The following ZDHHC2 variants were observed in gnomAD, a reference collection of about 807,000 sequenced individuals.
The protein encoded by ZDHHC2 is palmitoyltransferase ZDHHC2.
ZDHHC2 carries 51 observed loss-of-function variants against 55.6 expected under a neutral mutation model. That is an observed-to-expected ratio of 0.92 (90% confidence interval 0.73 to 1.16). The LOEUF (loss-of-function observed/expected upper bound fraction) is 1.16. Ranked by LOEUF, ZDHHC2 falls within the 50% of genes most tolerant of loss-of-function variation. The pLI is 0.00. For synonymous variants in ZDHHC2, 199 were observed against 152.9 expected, an observed-to-expected ratio of 1.30 and a Z score of -2.22; for missense variants, 491 against 442.4, an observed-to-expected ratio of 1.11 and a Z score of -0.99.
chr8:17,211,065 T>C (rs1468916745), intron 10 of ZDHHC2, among the ~76,000 whole-genome samples: 3 of 152,224 alleles, frequency 2.0e-5, no homozygotes, highest in Non-Finnish European at 4.4e-5. Flanking sequence ...TTTGTTTTGA[T>C]TCCAGACTAT....
chr8:17,167,424 G>A (rs1364219827), intron 1 of ZDHHC2, among the ~76,000 whole-genome samples: 2 of 149,208 alleles, frequency 1.3e-5, no homozygotes, highest in African/African-American at 5.0e-5. Flanking sequence ...TCCCGCCTCA[G>A]CCTCTCGAGT....
intron 12 of ZDHHC2, 48 bp from the exon 13 acceptor site, chr8:17,220,208 G>A (rs148188103): frequency 1.3e-5 from 2 of 152,276 alleles, no homozygotes; most frequent in South Asian, 2.1e-4. Context: ...TTTGTTTTGC[G>A]TGTTTATGGT....
intron 7 of ZDHHC2, among the ~76,000 whole-genome samples, chr8:17,207,460 T>G (rs1006342694): frequency 1.3e-5 from 2 of 152,224 alleles, no homozygotes; most frequent in African/African-American, 4.8e-5. Flanking sequence ...TGTGAATGTG[T>G]TGTTATATGT....
intron 1 of ZDHHC2, among the ~76,000 whole-genome samples, chr8:17,157,783 C>G (rs904854676): frequency 1.3e-5 from 2 of 152,142 alleles, no homozygotes; most frequent in African/African-American, 4.8e-5. Flanking sequence ...GTGTTTGGTG[C>G]TCCACCTAAC....
intron 1 of ZDHHC2, among the ~76,000 whole-genome samples, chr8:17,160,861 A>G (rs376959035): frequency 5.4e-4 from 83 of 152,352 alleles, no homozygotes; most frequent in African/African-American, 1.9e-3. Flanking sequence ...CGTGGCTTTT[A>G]TTCAACAAAA....
At chr8:17,187,793 T>G (rs1482142624) in intron 3 of ZDHHC2, among the ~76,000 whole-genome samples, 1 of 152,224 alleles carries the variant, frequency 6.6e-6, no homozygotes, top group Non-Finnish European at 1.5e-5. Flanking sequence ...AAATCTGTTT[T>G]GAGTTCTAAA....
intron 2 of ZDHHC2, among the ~76,000 whole-genome samples, chr8:17,185,965 G>A (rs1410661182): frequency 1.3e-5 from 2 of 152,168 alleles, no homozygotes; most frequent in East Asian, 3.9e-4. Context: ...CTTAAAGCCT[G>A]AGTGTTTTAA....
chr8:17,184,492 A>C (rs1279093314), intron 1 of ZDHHC2, among the ~76,000 whole-genome samples: 2 of 152,232 alleles, frequency 1.3e-5, no homozygotes, highest in Non-Finnish European at 2.9e-5. Context: ...AAAACCAGTC[A>C]ACCAAATGAT....
At chr8:17,219,648 C>A (rs1807822050) in intron 12 of ZDHHC2, among the ~76,000 whole-genome samples, 1 of 152,030 alleles carries the variant, frequency 6.6e-6, no homozygotes, top group South Asian at 2.1e-4. Context: ...TGCCTGTGGT[C>A]CCAGCCACTC....
chr8:17,164,402 CG>C (rs745731835), intron 1 of ZDHHC2, among the ~76,000 whole-genome samples: 2 of 152,014 alleles, frequency 1.3e-5, no homozygotes, highest in Non-Finnish European at 1.5e-5. Context: ...TGAGTAAGTG[CG>C]TTTATGGATG....
rs1047194656 is a variant in ZDHHC2, at chr8:17,221,396, GTTTT to G, written c.*1180_*1183del. Reference sequence around the variant, plus strand: ...GCCTTGTATGCACTATTTAAAAAAAGTTTTTTTTATTTGAGTCCAGTATAATTCA... The same window carrying G: ...GCCTTGTATGCACTATTTAAAAAAAGTTTTATTTGAGTCCAGTATAATTCA... On this transcript the variant is annotated 3_prime_UTR_variant, in exon 13 of 13. Transcript: ENST00000262096. 1 of 152,196 alleles carries G rather than the reference GTTTT, an allele frequency of 6.6e-6. No homozygotes were observed. Among genetic ancestry groups the G allele is most frequent in the Non-Finnish European group, 1.5e-5 (1 of 67,886 alleles). The allele number at this position is 152,196 out of a possible 1,614,324, so 9.4% of individuals were successfully genotyped here. A position where few individuals can be genotyped will look rare whatever the true frequency, so the allele number is the denominator to read the frequency against.
At chr8:17,213,704 T>G (rs1467418612) in intron 10 of ZDHHC2, among the ~76,000 whole-genome samples, 1 of 152,200 alleles carries the variant, frequency 6.6e-6, no homozygotes, top group Non-Finnish European at 1.5e-5. Context: ...ATAAACATTG[T>G]TCAGTGAATG....
rs559940640 is a variant in ZDHHC2, at chr8:17,196,930, T to A, written c.374-652T>A. On this transcript the variant is annotated intron_variant, in intron 4 of 12. Transcript: ENST00000262096. ...TCTCAGAAAAAAAAAAAAAGAGGTT[T>A]TTATATTACTTATATTTGTTTCTGA... 5.1e-4 allele frequency among the ~76,000 whole-genome samples: 77 copies of A among 152,210 alleles called. 1 individual carries two copies. Among genetic ancestry groups the A allele is most frequent in the African/African-American group, 1.5e-3 (62 of 41,534 alleles).
chr8:17,184,850 A>G (rs1397136594), intron 2 of ZDHHC2, 35 bp downstream of exon 2: 5 of 1,495,312 alleles, frequency 3.3e-6, no homozygotes, highest in Non-Finnish European at 4.5e-6. Flanking sequence ...TAGATTTTTT[A>G]AATAGTTTGA....
chr8:17,156,807 C>T lies in ZDHHC2; in HGVS notation c.84C>T (p.Leu28=), dbSNP rs1420728739. The change falls in exon 1 of 13, where the codon CTC becomes CTT. Residue 28 remains leucine, a synonymous_variant. Transcript: ENST00000262096. ...GGATCCCGGTGGTGTTCATCACCCTCCTGCTCGGCTGGTCCTACTACGCCT... is the reference window on the plus strand; with the variant it reads ...GGATCCCGGTGGTGTTCATCACCCTTCTGCTCGGCTGGTCCTACTACGCCT... The part of the protein sequence containing the change: ...LYWIPVVFIT[L]LLGWSYYAYA... The T allele has an allele frequency of 3.9e-6, 6 of 1,522,528 alleles. No homozygotes were observed. The highest frequency in any genetic ancestry group is 2.8e-5 in the African/African-American group (2 of 70,330). 94.3% of individuals were successfully genotyped at this position (1,522,528 alleles called of 1,614,324 possible).
intron 3 of ZDHHC2, among the ~76,000 whole-genome samples, chr8:17,189,019 C>T (rs1057158938): frequency 6.6e-6 from 1 of 151,942 alleles, no homozygotes; most frequent in Non-Finnish European, 1.5e-5. Flanking sequence ...CCGCACTGCT[C>T]CCTGCTCCCA....
intron 1 of ZDHHC2, among the ~76,000 whole-genome samples, chr8:17,158,043 T>G (rs1804150715): frequency 6.6e-6 from 1 of 152,160 alleles, no homozygotes; most frequent in Non-Finnish European, 1.5e-5. Context: ...CATATAGTTT[T>G]AAAATTTGCT....
rs948325230 is a variant in ZDHHC2 at position 17,195,597 on chromosome 8, C to T, written c.346C>T (p.Pro116Ser). ...EVLRRAAKDLPIYTRTMSGAI... is the reference protein window; with the variant it reads ...EVLRRAAKDLSIYTRTMSGAI... ...TCTTAGGCGAGCAGCCAAGGATCTT[C>T]CCATCTATACCAGGACCATGTCTGG... The change falls in exon 4 of 13, where the codon CCC (proline) becomes TCC (serine). Residue 116 changes from proline to serine, a missense_variant. Transcript: ENST00000262096. 19 of 1,613,898 alleles carry T rather than the reference C, an allele frequency of 1.2e-5. No individual in the cohort carries two copies. Among genetic ancestry groups the T allele is most frequent in the Non-Finnish European group, 1.5e-5 (18 of 1,179,814 alleles).
In ZDHHC2 at chr8:17,224,450, AG is replaced by A. The variant is rs1808042291; in HGVS notation, c.*4230del. 1 of 151,686 alleles carries A rather than the reference AG, an allele frequency of 6.6e-6. No homozygotes were observed. The highest frequency in any genetic ancestry group is 1.5e-5 in the Non-Finnish European group (1 of 67,668). The allele number at this position is 151,686 out of a possible 1,614,324, so 9.4% of individuals were successfully genotyped here. A position where few individuals can be genotyped will look rare whatever the true frequency, so the allele number is the denominator to read the frequency against. On this transcript the variant is annotated 3_prime_UTR_variant, in exon 13 of 13. Transcript: ENST00000262096. ...TAGTTCCCTTTTGCTCAGGAAAAATAGTACTACTTTATGGTTTATGAAAACC... is the reference window on the plus strand; with the variant it reads ...TAGTTCCCTTTTGCTCAGGAAAAATATACTACTTTATGGTTTATGAAAACC...
Sources: allele counts gnomAD v4.1 joint callset (sites outside exome capture counted in the v4.1 genomes callset), GRCh38; gene constraint gnomAD v4.1.1; transcripts MANE v1.5; gene names NCBI Gene and HGNC (gene_info 2026-07-23, HGNC 2026-07-21).